FNDC1: variants seen among roughly 807,000 people sequenced by gnomAD.
The protein encoded by FNDC1 is fibronectin type III domain-containing protein 1.
FNDC1 carries 96 observed loss-of-function variants against 168.0 expected under a neutral mutation model. The observed-to-expected ratio is 0.57, with a 90% CI of 0.48 to 0.68. The LOEUF (loss-of-function observed/expected upper bound fraction) is 0.68. Among genes scored for constraint, FNDC1 ranks in the 30% least tolerant of loss-of-function variants. The probability of loss-of-function intolerance (pLI) is 0.00; values close to 1 mark genes in which losing one functional copy is unlikely to be tolerated. For missense variants in FNDC1, 2,587 were observed against 2,482.1 expected (o/e 1.04, Z -0.90); for synonymous variants, 1,099 against 1,025.9 (o/e 1.07, Z -1.36).
intron 2 of FNDC1, among the ~76,000 whole-genome samples, chr6:159,199,070 A>C (rs944239538): frequency 6.6e-6 from 1 of 152,236 alleles, no homozygotes; most frequent in Non-Finnish European, 1.5e-5. Flanking sequence ...TGTCATTGTC[A>C]TTATGACCTT....
chr6:159,217,777 G>A (rs1232902641), intron 5 of FNDC1, among the ~76,000 whole-genome samples: 4 of 152,212 alleles, frequency 2.6e-5, no homozygotes, highest in Non-Finnish European at 5.9e-5. Flanking sequence ...GCAAAAAGGA[G>A]ACCAGCCACC....
rs1431131791 is a variant in FNDC1 at position 159,233,487 on chromosome 6, T to C, written c.2975T>C (p.Val992Ala). The change falls in exon 11 of 23, where the codon GTT becomes GCT. Residue 992 changes from valine (V) to alanine (A), a missense_variant. By Grantham distance (64) the Val-to-Ala change is moderately conservative. Transcript: ENST00000297267. This position sits in a 1 kb window ranked among gnomAD's most constrained non-coding sequence, Gnocchi z 4.6. ...PAARSQQHPS[V>A]PRRMTPGRAP... The stretch of plus-strand genomic sequence containing the variant: ...GCACGGTCACAGCAGCATCCCAGTG[T>C]TCCCAGAAGGATGACACCCGGCCGG... 1 of 1,604,914 alleles carries C rather than the reference T, an allele frequency of 6.2e-7. No individual in the cohort carries two copies.
chr6:159,240,123 C>T (rs959781995), intron 14 of FNDC1, among the ~76,000 whole-genome samples, 166 bp downstream of exon 14: 1 of 152,158 alleles, frequency 6.6e-6, no homozygotes, highest in African/African-American at 2.4e-5. Context: ...TACCATGCCA[C>T]AGCTAAGGTT....
At chr6:159,269,578 T>TC (rs1172238529) in intron 22 of FNDC1, among the ~76,000 whole-genome samples, 5 of 97,112 alleles carry the variant, frequency 5.1e-5, no homozygotes, top group Admixed American at 1.1e-4. Flanking sequence ...ATCTATCCTA[T>TC]CTGTCTGTCT....
At chr6:159,212,671 G>A (rs1782631694) in intron 4 of FNDC1, among the ~76,000 whole-genome samples, 1 of 152,090 alleles carries the variant, frequency 6.6e-6, no homozygotes, top group African/African-American at 2.4e-5. Flanking sequence ...TTCTTCCTGG[G>A]TGGTATTTGG....
rs1296703356 is a variant in FNDC1, at chr6:159,246,949, C to G, written c.4670C>G (p.Ala1557Gly). The change falls in exon 15 of 23, where the codon GCC (alanine) becomes GGC (glycine). Residue 1557 changes from alanine to glycine, a missense_variant. Transcript: ENST00000297267. Reference protein sequence around the residue: ...ETDTAVPTEEAYVIYDEDYEF... With the variant: ...ETDTAVPTEEGYVIYDEDYEF... Reference sequence around the variant, plus strand: ...GACACTGCAGTACCTACGGAAGAGGCCTACGTTATATATGATGAAGGTACA... The same window carrying G: ...GACACTGCAGTACCTACGGAAGAGGGCTACGTTATATATGATGAAGGTACA... The G allele has an allele frequency of 6.2e-7, 1 of 1,611,730 alleles. No homozygotes were observed. Among genetic ancestry groups the G allele is most frequent in the Non-Finnish European group, 8.5e-7 (1 of 1,177,886 alleles).
chr6:159,216,945 G>A (rs1476653016), intron 5 of FNDC1, among the ~76,000 whole-genome samples: 2 of 152,206 alleles, frequency 1.3e-5, no homozygotes, highest in Admixed American at 6.5e-5. Context: ...CTTATCTGGA[G>A]GGGCCTCTTC....
intron 3 of FNDC1, 58 bp downstream of exon 3, chr6:159,200,140 C>G (rs1242042484): frequency 4.9e-6 from 6 of 1,232,582 alleles, no homozygotes; most frequent in Non-Finnish European, 7.0e-6. Flanking sequence ...GGAGAGACAT[C>G]CCTCCTTGCT....
In FNDC1 at chr6:159,251,319, C is replaced by G. The variant is rs780944820; in HGVS notation, c.4852C>G (p.Leu1618Val). 6 of 1,613,692 alleles carry G rather than the reference C, an allele frequency of 3.7e-6. No individual in the cohort carries two copies. Among genetic ancestry groups the G allele is most frequent in the Admixed American group, 3.3e-5 (2 of 60,016 alleles). Reference protein sequence around the residue: ...KRFVAPYVTYLNKDPSAPCSL... With the variant: ...KRFVAPYVTYVNKDPSAPCSL... ...TTTTCCAGCTCCTTACGTGACGTACCTAAATAAAGACCCATCAGCCCCGTG... is the reference window on the plus strand; with the variant it reads ...TTTTCCAGCTCCTTACGTGACGTACGTAAATAAAGACCCATCAGCCCCGTG... The change falls in exon 17 of 23, where the codon CTA becomes GTA. Residue 1618 changes from leucine to valine, a missense_variant. Physicochemically the swap from Leu to Val is conservative, Grantham distance 32 (BLOSUM62 1). Transcript: ENST00000297267.
At chr6:159,240,335 G>T (rs911684816) in intron 14 of FNDC1, among the ~76,000 whole-genome samples, 1 of 152,158 alleles carries the variant, frequency 6.6e-6, no homozygotes. Flanking sequence ...AATGGATATT[G>T]TAGATTAGTG....
chr6:159,221,566 C>A, intron 5 of FNDC1, 32 bp from the exon 6 acceptor site: 1 of 1,554,840 alleles, frequency 6.4e-7, no homozygotes, highest in Non-Finnish European at 8.9e-7. Context: ...AAATGGAAGT[C>A]AGAATCTCAT....
intron 9 of FNDC1, among the ~76,000 whole-genome samples, chr6:159,227,999 G>A (rs977189099): frequency 6.6e-6 from 1 of 151,948 alleles, no homozygotes; most frequent in Non-Finnish European, 1.5e-5. Flanking sequence ...AAGTATTGTT[G>A]TGCTGCCGAG....
At chr6:159,179,373 C>A (rs933025805) in intron 1 of FNDC1, among the ~76,000 whole-genome samples, 4 of 152,188 alleles carry the variant, frequency 2.6e-5, no homozygotes, top group Non-Finnish European at 5.9e-5. Flanking sequence ...GCAAGAGAAT[C>A]GCTTGAACCC....
intron 13 of FNDC1, among the ~76,000 whole-genome samples, chr6:159,239,197 A>G (rs190064597): frequency 2.4e-4 from 37 of 152,292 alleles, no homozygotes; most frequent in African/African-American, 8.4e-4. Flanking sequence ...AGTAGCTGCA[A>G]TAGAGACCAT....
chr6:159,180,072 G>T (rs557171909), intron 1 of FNDC1, among the ~76,000 whole-genome samples: 1 of 152,308 alleles, frequency 6.6e-6, no homozygotes, highest in East Asian at 1.9e-4. Flanking sequence ...CACAAACTGA[G>T]TGGCTTTAAA....
At chr6:159,254,991 GGTTACT>G (rs943185500) in intron 17 of FNDC1, among the ~76,000 whole-genome samples, 10 of 152,122 alleles carry the variant, frequency 6.6e-5, no homozygotes, top group African/African-American at 1.7e-4. Context: ...TCTCTCACCT[GGTTACT>G]GTAAGAGCTG....
At chr6:159,219,675 G>C (rs1207776517) in intron 5 of FNDC1, among the ~76,000 whole-genome samples, 1 of 152,070 alleles carries the variant, frequency 6.6e-6, no homozygotes, top group African/African-American at 2.4e-5. Flanking sequence ...TTTTCTTAAT[G>C]ATAAACTTGG....
At chr6:159,180,858 G>T (rs567625864) in intron 1 of FNDC1, among the ~76,000 whole-genome samples, 2 of 152,144 alleles carry the variant, frequency 1.3e-5, no homozygotes, top group African/African-American at 4.8e-5. Flanking sequence ...TATATGTCCC[G>T]CATTTTAAAA....
chr6:159,264,257 T>C (rs1208449640), intron 19 of FNDC1, among the ~76,000 whole-genome samples: 3 of 152,228 alleles, frequency 2.0e-5, no homozygotes, highest in African/African-American at 7.2e-5. Context: ...CTCTCTAGTT[T>C]ATAGGCAAAC....
Sources: gnomAD v4.1 joint callset for allele counts (sites outside exome capture counted in the v4.1 genomes callset) on GRCh38, gnomAD v4.1.1 for gene constraint, Gnocchi (gnomAD v3.1) non-coding constraint, MANE v1.5 for transcripts, NCBI Gene and HGNC (gene_info 2026-07-23, HGNC 2026-07-21) for gene names.